Variants in DNAH3 observed in about 807,000 individuals in gnomAD.
The protein encoded by DNAH3 is axonemal beta dynein heavy chain 3.
In DNAH3, 332 loss-of-function variants were observed where a neutral mutation model predicts 432.5. The ratio of observed to expected loss-of-function variants is 0.77; its 90% confidence interval spans 0.70 to 0.84. The LOEUF is 0.84. Among genes scored for constraint, DNAH3 ranks in the 40% least tolerant of loss-of-function variants. The probability of loss-of-function intolerance (pLI) is 0.00; values close to 1 mark genes in which losing one functional copy is unlikely to be tolerated. For synonymous variants in DNAH3, 1,956 were observed against 1,900.2 expected, an observed-to-expected ratio of 1.03 and a Z score of -0.76; for missense variants, 4,861 against 5,114.0, an observed-to-expected ratio of 0.95 and a Z score of 1.51.
intron 36 of DNAH3, 85 bp downstream of exon 36, chr16:21,033,889 C>T: frequency 2.2e-6 from 2 of 896,046 alleles, no homozygotes. Context: ...CCTGACAAGA[C>T]TAGCAGCCTG....
chr16:20,963,248 G>A, intron 53 of DNAH3, 36 bp downstream of exon 53: 1 of 1,588,050 alleles, frequency 6.3e-7, no homozygotes, highest in Non-Finnish European at 8.6e-7. Flanking sequence ...CACATACTGG[G>A]CTTTCCACGT....
intron 29 of DNAH3, among the ~76,000 whole-genome samples, chr16:21,051,110 C>T (rs939822044): frequency 1.1e-4 from 17 of 152,176 alleles, no homozygotes; most frequent in Middle Eastern, 3.4e-3. Flanking sequence ...GAAAATACTC[C>T]CAAGTATTAG....
chr16:21,106,393 T>C, intron 15 of DNAH3, 97 bp downstream of exon 15: 1 of 1,004,318 alleles, frequency 1.0e-6, no homozygotes, highest in Non-Finnish European at 1.3e-6. Context: ...CCCCTAAATA[T>C]ATAAATACAT....
intron 37 of DNAH3, among the ~76,000 whole-genome samples, chr16:21,029,448 A>C (rs572252686): frequency 6.6e-6 from 1 of 152,320 alleles, no homozygotes; most frequent in African/African-American, 2.4e-5. Flanking sequence ...AGGCACCATC[A>C]GAAGAGGTGT....
chr16:20,973,685 G>A (rs895587696), intron 51 of DNAH3, among the ~76,000 whole-genome samples: 1 of 152,322 alleles, frequency 6.6e-6, no homozygotes, highest in Non-Finnish European at 1.5e-5. Flanking sequence ...CTACGTGAAC[G>A]TAGGTCAAGC....
At chr16:20,965,337 G>A in exon 53 of DNAH3, 2 of 1,604,070 alleles carry the variant, frequency 1.2e-6, no homozygotes, top group Non-Finnish European at 1.7e-6. Context: ...GGGGGATGTT[G>A]TCTTTGTCAT....
At chr16:21,120,774 C>T (rs373703685) in exon 11 of DNAH3, 3 of 1,614,046 alleles carry the variant, frequency 1.9e-6, no homozygotes, top group Non-Finnish European at 2.5e-6. Context: ...GCATGCTGGG[C>T]TCTCCTGGCT....
At chr16:21,078,018 G>A (rs751423316) in intron 20 of DNAH3, among the ~76,000 whole-genome samples, 11 of 152,250 alleles carry the variant, frequency 7.2e-5, no homozygotes, top group Non-Finnish European at 1.3e-4. Context: ...GCTCACTCCT[G>A]TAATCCCAGC....
At chr16:21,157,371 A>ACTCTGTTGCC (rs1452124469) in intron 1 of DNAH3, among the ~76,000 whole-genome samples, 1 of 126,644 alleles carries the variant, frequency 7.9e-6, no homozygotes, top group Non-Finnish European at 1.6e-5. Context: ...ACAGGGTCTC[A>ACTCTGTTGCC]CTCTGTTGCC....
rs55757849 is a variant in DNAH3, at chr16:20,959,610, AACACACACACACACACAC to A, written c.10601-224_10601-207del. On this transcript the variant is annotated intron_variant, in intron 53 of 61. Coordinates refer to ENST00000261383, the Ensembl canonical transcript of DNAH3. The stretch of plus-strand genomic sequence containing the variant: ...CACAGTGAGACCTTGTCTCTATTTA[AACACACACACACACACAC>A]ACACACACACACACACACACACACA... Among the ~76,000 whole-genome samples, 890 of 137,640 alleles carry A rather than the reference AACACACACACACACACAC, an allele frequency of 6.5e-3. 9 individuals carry two copies. The highest frequency in any genetic ancestry group is 4.5e-3 in the African/African-American group (163 of 36,514). The allele number at this position is 137,640 out of a possible 152,430, so 90.3% of individuals were successfully genotyped here.
exon 10 of DNAH3, chr16:21,122,004 A>G (rs762140028): frequency 1.2e-6 from 2 of 1,614,004 alleles, no homozygotes; most frequent in East Asian, 4.5e-5. Flanking sequence ...ATTAATTCCC[A>G]GCAGCCATCA....
At position 20,948,589 on chromosome 16, in the gene DNAH3, A is replaced by G. The variant is rs758825237; in HGVS notation, c.11237T>C (p.Leu3746Pro). The G allele has an allele frequency of 5.0e-6, 8 of 1,614,056 alleles. No homozygotes were observed. The Admixed American group carries it at 1.3e-4, about 27-fold the overall frequency. Residue 3746 changes from leucine to proline, a missense_variant, in exon 57 of 62, where the codon CTC becomes CCC. Transcript: ENST00000261383. ...GAACATGGACAGAAGTGACAGCAGG[A>G]GACGCCGGTCTTTGTCATCAGTCAC... is the stretch of plus-strand genomic sequence containing the variant.
At chr16:20,985,376 A>G in exon 48 of DNAH3, 1 of 1,614,186 alleles carries the variant, frequency 6.2e-7, no homozygotes, top group Non-Finnish European at 8.5e-7. Flanking sequence ...TCAATCTGGT[A>G]TAGCTCGTAT....
chr16:21,048,191 T>C (rs2089793983), intron 31 of DNAH3, among the ~76,000 whole-genome samples: 1 of 152,266 alleles, frequency 6.6e-6, no homozygotes, highest in Non-Finnish European at 1.5e-5. Context: ...CCTTGAGCTG[T>C]GGTGGGCTCC....
chr16:21,047,952 GC>G (rs1041068276), intron 31 of DNAH3, among the ~76,000 whole-genome samples: 4 of 151,984 alleles, frequency 2.6e-5, no homozygotes, highest in Admixed American at 2.6e-4. Flanking sequence ...GTGTCAGTGT[GC>G]CCCTGCTGGG....
At chr16:21,149,995 G>A (rs2092832965) in intron 1 of DNAH3, among the ~76,000 whole-genome samples, 1 of 152,106 alleles carries the variant, frequency 6.6e-6, no homozygotes, top group Non-Finnish European at 1.5e-5. Flanking sequence ...GGAGGCTGAG[G>A]CAGGCGGATC....
At chr16:21,104,259 A>G in intron 16 of DNAH3, 1 of 500,798 alleles carries the variant, frequency 2.0e-6, no homozygotes, top group Non-Finnish European at 3.6e-6. Flanking sequence ...AAGGGAAGAC[A>G]TTAGCAGAGG....
intron 7 of DNAH3, among the ~76,000 whole-genome samples, chr16:21,132,869 G>A (rs1040228099): frequency 1.5e-4 from 23 of 151,450 alleles, no homozygotes; most frequent in African/African-American, 5.6e-4. Flanking sequence ...ACTTTCAAAG[G>A]GTGAATTTTA....
At chr16:21,122,247 C>T in intron 9 of DNAH3, 123 bp from the exon 11 acceptor site, 3 of 782,430 alleles carry the variant, frequency 3.8e-6, no homozygotes, top group South Asian at 4.1e-5. Context: ...GCATCATACA[C>T]TGTTTATATT....
Sources: gnomAD v4.1 joint callset for allele counts (sites outside exome capture counted in the v4.1 genomes callset) on GRCh38, gnomAD v4.1.1 for gene constraint, MANE v1.5 for transcripts, NCBI Gene and HGNC (gene_info 2026-07-23, HGNC 2026-07-21) for gene names.